CIB3: variants seen among roughly 807,000 people sequenced by gnomAD.
The protein encoded by CIB3 is calcium and integrin binding family member 3, also known as calcium and integrin-binding family member 3.
A neutral mutation model predicts 23.4 loss-of-function variants in CIB3; 22 were observed. The ratio of observed to expected loss-of-function variants is 0.94; its 90% CI spans 0.67 to 1.34. CIB3 has a LOEUF of 1.34. Ranked by LOEUF, CIB3 falls within the 40% of genes most tolerant of loss-of-function variation. The pLI, the probability that CIB3 is intolerant of heterozygous loss-of-function variation, is 0.00. For synonymous variants in CIB3, 93 were observed against 95.8 expected, an observed-to-expected ratio of 0.97 and a Z score of 0.17; for missense variants, 258 against 247.3, an observed-to-expected ratio of 1.04 and a Z score of -0.29.
At position 16,173,154 on chromosome 19, in the gene CIB3, G is replaced by A; in HGVS notation, c.86+8C>T. The A allele has an allele frequency of 1.9e-6, 3 of 1,612,770 alleles. No homozygotes were observed. Among genetic ancestry groups the A allele is most frequent in the Non-Finnish European group, 2.5e-6 (3 of 1,179,802 alleles). On this transcript the variant is annotated splice_region_variant and intron_variant, in intron 2 of 5. Transcript: ENST00000269878. ...CCAGATCTTCTCTCCCTTCCTCCCT[G>A]GACTGACCTCATGATCTCCTTCCTT...
chr19:16,166,572 TCATTCATTCATC>T (rs1178234801), intron 4 of CIB3, among the ~76,000 whole-genome samples: 1 of 152,202 alleles, frequency 6.6e-6, no homozygotes, highest in Non-Finnish European at 1.5e-5. Context: ...ATTTATTCAT[TCATTCATTCATC>T]CATTCAGGAA....
chr19:16,163,864 T>G (rs1280489418), intron 5 of CIB3, among the ~76,000 whole-genome samples: 1 of 152,142 alleles, frequency 6.6e-6, no homozygotes, highest in African/African-American at 2.4e-5. Context: ...CACAAATGGG[T>G]GTGGCTGTGA....
In CIB3 at chr19:16,164,765, G is replaced by C. The variant is rs2091298357; in HGVS notation, c.495C>G (p.Ser165=). Residue 165 remains serine (S), a synonymous_variant, in exon 5 of 6, where the codon TCC becomes TCG. Transcript: ENST00000269878. ...GGATCATGTTCTGGAAATCTTCCAG[G>C]GACAGCCGCCCATCATGGTCTCCAT... ...EADGDHDGRL[S]LEDFQNMILR... 3 of 1,613,876 alleles carry C rather than the reference G, an allele frequency of 1.9e-6. No individual in the cohort carries two copies. Among genetic ancestry groups the C allele is most frequent in the African/African-American group, 1.3e-5 (1 of 74,882 alleles).
In CIB3 at chr19:16,163,266, A is replaced by G. The variant is rs376489926; in HGVS notation, c.542+1452T>C. On this transcript the variant is annotated intron_variant, in intron 5 of 5. Transcript: ENST00000269878. The stretch of plus-strand genomic sequence containing the variant: ...TGAGTGAGACCCTGTCTCAAAACAA[A>G]CAAACGGGCTGGGCGTGGTGGCTCA... Among the ~76,000 whole-genome samples the G allele has an allele frequency of 3.3e-5, 5 of 152,202 alleles. No homozygotes were observed. The East Asian group carries it at 7.7e-4, about 23-fold the overall frequency.
chr19:16,170,956 G>C (rs2091325568), intron 2 of CIB3, among the ~76,000 whole-genome samples: 1 of 152,072 alleles, frequency 6.6e-6, no homozygotes, highest in Non-Finnish European at 1.5e-5. Flanking sequence ...GGCTAACATG[G>C]TGAAACCCCG....
intron 5 of CIB3, among the ~76,000 whole-genome samples, chr19:16,163,965 AT>A (rs149964300): frequency 0.014 from 2,056 of 152,110 alleles, 59 homozygotes; most frequent in African/African-American, 0.046. Flanking sequence ...TTAAAAAAAA[AT>A]TTTTAATGTG....
intron 4 of CIB3, 78 bp from the exon 5 acceptor site, chr19:16,164,991 G>T: frequency 1.6e-6 from 2 of 1,267,118 alleles, no homozygotes; most frequent in Non-Finnish European, 2.3e-6. Context: ...CTGTGCCCAT[G>T]TTACAAGAAG....
At chr19:16,170,230 G>A (rs539347138) in intron 2 of CIB3, among the ~76,000 whole-genome samples, 46 of 152,270 alleles carry the variant, frequency 3.0e-4, no homozygotes, top group African/African-American at 1.1e-3. Flanking sequence ...CCTCCCTGGG[G>A]GCAGGGTCAA....
At chr19:16,168,323 C>T (rs1409862520) in intron 3 of CIB3, 39 bp from the exon 4 acceptor site, 1 of 1,609,894 alleles carries the variant, frequency 6.2e-7, no homozygotes. Flanking sequence ...ATCCTCTGAC[C>T]CCCAAGGTCT....
At chr19:16,173,252 G>T in intron 1 of CIB3, 56 bp from the exon 2 acceptor site, 3 of 1,611,774 alleles carry the variant, frequency 1.9e-6, no homozygotes, top group Non-Finnish European at 2.5e-6. Flanking sequence ...CTCCTCCCAC[G>T]GCCTCCTCCC....
chr19:16,162,613 G>C (rs2091289134), intron 5 of CIB3, among the ~76,000 whole-genome samples: 1 of 151,970 alleles, frequency 6.6e-6, no homozygotes, highest in African/African-American at 2.4e-5. Context: ...AATTAACCGG[G>C]CGTGGTGGCG....
intron 4 of CIB3, among the ~76,000 whole-genome samples, chr19:16,166,246 G>A (rs531094592): frequency 2.6e-5 from 4 of 152,230 alleles, no homozygotes; most frequent in South Asian, 2.1e-4. Flanking sequence ...ATCTGAGATC[G>A]CGCCATTGCA....
chr19:16,166,739 C>G (rs1201842677), intron 4 of CIB3, among the ~76,000 whole-genome samples: 1 of 152,176 alleles, frequency 6.6e-6, no homozygotes, highest in East Asian at 1.9e-4. Context: ...TGAGCACCTA[C>G]TATGTGTTGG....
chr19:16,167,239 C>T (rs530481132), intron 4 of CIB3, among the ~76,000 whole-genome samples: 1 of 151,732 alleles, frequency 6.6e-6, no homozygotes, highest in African/African-American at 2.4e-5. Context: ...AAAACACACA[C>T]ACAAAAAAAA....
chr19:16,162,890 T>TC (rs201901032), intron 5 of CIB3, among the ~76,000 whole-genome samples: 198 of 17,008 alleles, frequency 0.012, no homozygotes, highest in Non-Finnish European at 0.03. Context: ...TCTTTTCTTT[T>TC]TTTTTTTTTT....
chr19:16,161,572 C>T lies in CIB3; in HGVS notation c.543-86G>A, dbSNP rs2091285041. 2.7e-6 allele frequency: 4 copies of T among 1,465,850 alleles called. No homozygotes were observed. The South Asian group carries it at 4.7e-5, about 17-fold the overall frequency. The allele number at this position is 1,465,850 out of a possible 1,614,324, so 90.8% of individuals were successfully genotyped here. A position where few individuals can be genotyped will look rare whatever the true frequency, so the allele number is the denominator to read the frequency against. On this transcript the variant is annotated intron_variant, in intron 5 of 5. Transcript: ENST00000269878. ...CCCCCTCAACACGCTCACGGCAAGT[C>T]CCTGGGACAGGCAGGAAGGATGCCA...
intron 5 of CIB3, among the ~76,000 whole-genome samples, 187 bp from the exon 6 acceptor site, chr19:16,161,673 CTTTT>C (rs55969649): frequency 1.0e-5 from 1 of 100,052 alleles, no homozygotes; most frequent in Non-Finnish European, 1.9e-5. Context: ...TTTTTTAATT[CTTTT>C]TTTTTTTTTT....
intron 5 of CIB3, among the ~76,000 whole-genome samples, chr19:16,162,552 G>A (rs1419916207): frequency 6.6e-6 from 1 of 152,158 alleles, no homozygotes; most frequent in East Asian, 1.9e-4. Context: ...AGGAGTTCAA[G>A]ACCAGCCTGG....
At position 16,161,484 on chromosome 19, in the gene CIB3, G is replaced by A. The variant is rs201221748; in HGVS notation, c.545C>T (p.Thr182Ile). Residue 182 changes from threonine (T) to isoleucine (I), a missense_variant and splice_region_variant, in exon 6 of 6, where the codon ACC (threonine) becomes ATC (isoleucine). Transcript: ENST00000269878. ...MILRAPDFLS[T>I]FHIRI ...GTGCCATCAGATTCGGATGTGGAAG[G>A]TGCTGTGTGCAGAGAGAAAAGGAGT... is the stretch of plus-strand genomic sequence containing the variant. The A allele has an allele frequency of 5.6e-6, 9 of 1,613,958 alleles. No individual in the cohort carries two copies. Among genetic ancestry groups the A allele is most frequent in the East Asian group, 2.2e-5 (1 of 44,850 alleles).
Sources: gnomAD v4.1 joint callset for allele counts (sites outside exome capture counted in the v4.1 genomes callset) on GRCh38, gnomAD v4.1.1 for gene constraint, MANE v1.5 for transcripts, NCBI Gene and HGNC (gene_info 2026-07-23, HGNC 2026-07-21) for gene names.